CGGBP1: variants seen among roughly 807,000 people sequenced by gnomAD.
CGGBP1 encodes the protein CGG triplet repeat-binding protein 1.
In CGGBP1, 4 loss-of-function variants were observed where a neutral mutation model predicts 11.4. The observed-to-expected ratio is 0.35, with a 90% confidence interval of 0.17 to 0.80. The LOEUF (loss-of-function observed/expected upper bound fraction) is 0.80, where lower values mean the gene tolerates loss of function less well. Ranked by LOEUF, CGGBP1 falls within the 30% of genes least tolerant of loss-of-function variation. The pLI is 0.52. For missense variants in CGGBP1, 135 were observed against 202.1 expected, an observed-to-expected ratio of 0.67 and a Z score of 2.01; for synonymous variants, 76 against 74.1, an observed-to-expected ratio of 1.03 and a Z score of -0.13.
At chr3:88,084,275 T>C (rs1708229259) in intron 2 of CGGBP1, among the ~76,000 whole-genome samples, 1 of 152,076 alleles carries the variant, frequency 6.6e-6, no homozygotes, top group Admixed American at 6.5e-5. Context: ...AACCCATAAA[T>C]AGGGAGCAGA....
intron 2 of CGGBP1, among the ~76,000 whole-genome samples, chr3:88,084,952 G>C (rs554040338): frequency 4.6e-4 from 70 of 152,298 alleles, no homozygotes; most frequent in African/African-American, 1.7e-3. Flanking sequence ...CTCTGCCCTA[G>C]AGGGAGAAAA....
intron 2 of CGGBP1, among the ~76,000 whole-genome samples, chr3:88,122,796 G>T (rs992096951): frequency 6.6e-6 from 1 of 151,998 alleles, no homozygotes; most frequent in African/African-American, 2.4e-5. Context: ...GATCACCTGA[G>T]GTGAGGAGTT....
chr3:88,087,855 A>G (rs892989115), intron 2 of CGGBP1, among the ~76,000 whole-genome samples: 1 of 152,230 alleles, frequency 6.6e-6, no homozygotes, highest in African/African-American at 2.4e-5. Context: ...TTAGAGGTTG[A>G]GTATCCCTAA....
intron 2 of CGGBP1, among the ~76,000 whole-genome samples, chr3:88,070,374 G>A (rs560543216): frequency 1.3e-5 from 2 of 151,540 alleles, no homozygotes; most frequent in South Asian, 4.2e-4. Context: ...CAGTGTCCAC[G>A]TAATGATTGA....
intron 2 of CGGBP1, among the ~76,000 whole-genome samples, chr3:88,124,892 G>C (rs1173968262): frequency 6.6e-6 from 1 of 151,328 alleles, no homozygotes; most frequent in African/African-American, 2.4e-5. Flanking sequence ...TTTCTAAATT[G>C]TCAAATTCGA....
intron 1 of CGGBP1, among the ~76,000 whole-genome samples, chr3:88,146,813 A>G (rs1707321174): frequency 2.0e-5 from 3 of 152,164 alleles, no homozygotes; most frequent in South Asian, 4.1e-4. Context: ...TCAGAAAGCC[A>G]GATCTCTTGA....
chr3:88,058,163 G>A lies in CGGBP1; in HGVS notation c.-270C>T, dbSNP rs1706615778. The A allele has an allele frequency of 6.6e-6, 1 of 152,190 alleles. No individual in the cohort carries two copies. The highest frequency in any genetic ancestry group is 6.5e-5 in the Admixed American group (1 of 15,284). 9.4% of individuals were successfully genotyped at this position (152,190 alleles called of 1,614,324 possible). ...ATCAGTTTTTCAACAAGTGGTGGTG[G>A]GGAAATAGTTTCTGGGCTTGCACCC... On this transcript the variant is annotated 5_prime_UTR_variant, in exon 2 of 4. Transcript: ENST00000482016.
rs1177154411 is a variant in CGGBP1, at chr3:88,054,896, AG to A, written c.*576del. 5 of 150,824 alleles carry A rather than the reference AG, an allele frequency of 3.3e-5. No individual in the cohort carries two copies. The highest frequency in any genetic ancestry group is 1.2e-4 in the African/African-American group (5 of 40,678). 9.3% of individuals were successfully genotyped at this position (150,824 alleles called of 1,614,324 possible). A position where few individuals can be genotyped will look rare whatever the true frequency, so the allele number is the denominator to read the frequency against. ...AAGCCTTTAAAATGGGGGCGGGGGA[AG>A]TATGGAATTGAAAGATAGTTAAGGT... On this transcript the variant is annotated 3_prime_UTR_variant, in exon 4 of 4. Coordinates refer to ENST00000482016, the MANE Select transcript of CGGBP1 (RefSeq NM_001008390.2).
intron 2 of CGGBP1, among the ~76,000 whole-genome samples, chr3:88,110,685 G>A (rs4303891): frequency 0.95 from 144,150 of 152,068 alleles, 68,772 homozygotes; most frequent in East Asian, 1. Flanking sequence ...GTTTTCTTCC[G>A]TAAGGAGAGC....
exon 1 of CGGBP1, chr3:88,149,862 A>C: frequency 1.6e-6 from 1 of 636,512 alleles, no homozygotes. Context: ...CCAGCCCGGA[A>C]CCACAAGTGA....
At chr3:88,139,237 A>G (rs1322040943) in intron 2 of CGGBP1, 2 of 1,508,384 alleles carry the variant, frequency 1.3e-6, no homozygotes, top group Non-Finnish European at 1.8e-6. Context: ...CCTAAAGGTC[A>G]TATTAATACG....
intron 2 of CGGBP1, among the ~76,000 whole-genome samples, chr3:88,107,301 T>G (rs1361609326): frequency 1.3e-5 from 2 of 152,198 alleles, no homozygotes; most frequent in Non-Finnish European, 2.9e-5. Flanking sequence ...GAGATTATTT[T>G]TATTAGTACT....
intron 2 of CGGBP1, among the ~76,000 whole-genome samples, chr3:88,099,919 G>T (rs987128265): frequency 9.2e-5 from 14 of 152,142 alleles, no homozygotes; most frequent in African/African-American, 3.4e-4. Context: ...CATGGGCAAG[G>T]ACTTCATGAC....
chr3:88,128,884 T>C (rs1248402028), intron 2 of CGGBP1: 9 of 1,535,486 alleles, frequency 5.9e-6, no homozygotes, highest in East Asian at 2.4e-5. Flanking sequence ...TGTGAACGCA[T>C]ACCCGAAGCA....
rs556922088 is a variant in CGGBP1, at chr3:88,053,224, A to C, written c.*2249T>G. The C allele has an allele frequency of 4.9e-4, 74 of 152,272 alleles. No homozygotes were observed. The highest frequency in any genetic ancestry group is 1.8e-3 in the African/African-American group (73 of 41,580). The allele number at this position is 152,272 out of a possible 1,614,324, so 9.4% of individuals were successfully genotyped here. ...TGTATCAGTTCGAGCAGGCTAAAAC[A>C]ATCATTCTGCTGTATTTATTTAACT... On this transcript the variant is annotated 3_prime_UTR_variant, in exon 4 of 4. Transcript: ENST00000482016.
intron 2 of CGGBP1, among the ~76,000 whole-genome samples, chr3:88,094,311 C>T (rs1703927698): frequency 6.6e-6 from 1 of 152,102 alleles, no homozygotes; most frequent in South Asian, 2.1e-4. Context: ...TTGTGACTAG[C>T]ATCTTTTCCC....
chr3:88,108,368 A>G (rs1704873509), intron 2 of CGGBP1, among the ~76,000 whole-genome samples: 1 of 152,144 alleles, frequency 6.6e-6, no homozygotes, highest in Non-Finnish European at 1.5e-5. Flanking sequence ...GAATCATTAA[A>G]GGTACCTAGT....
At chr3:88,059,058 A>C, upstream of CGGBP1, 19 of 590,990 alleles carry the variant, frequency 3.2e-5, no homozygotes, top group Non-Finnish European at 4.2e-5. Context: ...TGACCAACAG[A>C]CGGCCGGTTT....
intron 2 of CGGBP1, chr3:88,140,869 G>A (rs1444135968): frequency 6.2e-7 from 1 of 1,613,598 alleles, no homozygotes; most frequent in Admixed American, 1.7e-5. Flanking sequence ...CCAAAACGCA[G>A]AAAATTTCTG....
Sources: gnomAD v4.1 joint callset for allele counts (sites outside exome capture counted in the v4.1 genomes callset) on GRCh38, gnomAD v4.1.1 for gene constraint, MANE v1.5 for transcripts, NCBI Gene and HGNC (gene_info 2026-07-23, HGNC 2026-07-21) for gene names.